GINS1: variants seen among roughly 807,000 people sequenced by gnomAD.
The protein encoded by GINS1 is GINS complex subunit 1, also known as DNA replication complex GINS protein PSF1.
A neutral mutation model predicts 34.9 loss-of-function variants in GINS1; 26 were observed. The observed-to-expected ratio is 0.74, with a 90% CI of 0.55 to 1.03. GINS1 has a LOEUF of 1.03. Ranked by LOEUF, GINS1 falls within the 50% of genes least tolerant of loss-of-function variation. The pLI is 0.00. For missense variants in GINS1, 235 were observed against 237.9 expected (o/e 0.99, Z 0.08); for synonymous variants, 97 against 84.4 (o/e 1.15, Z -0.82).
At chr20:25,412,871 A>G (rs890430137) in intron 1 of GINS1, among the ~76,000 whole-genome samples, 2 of 152,092 alleles carry the variant, frequency 1.3e-5, no homozygotes, top group East Asian at 3.8e-4. Context: ...GCTACCTCCC[A>G]CCTATAGCCT....
intron 5 of GINS1, among the ~76,000 whole-genome samples, chr20:25,434,285 C>T (rs966423247): frequency 7.3e-5 from 11 of 151,628 alleles, no homozygotes; most frequent in Admixed American, 6.6e-5. Flanking sequence ...TCCACACCTC[C>T]CCGCTGCCCA....
At chr20:25,445,514 T>C (rs1461202615) in intron 6 of GINS1, among the ~76,000 whole-genome samples, 1 of 152,134 alleles carries the variant, frequency 6.6e-6, no homozygotes, top group Non-Finnish European at 1.5e-5. Flanking sequence ...GCCTGGCTAA[T>C]TTTTTTGCAT....
intron 5 of GINS1, among the ~76,000 whole-genome samples, chr20:25,440,968 G>A (rs1190462186): frequency 6.6e-6 from 1 of 152,192 alleles, no homozygotes; most frequent in Non-Finnish European, 1.5e-5. Context: ...ATCTGGAAAA[G>A]TGGAAGACAT....
chr20:25,428,404 T>C (rs1296780562), intron 5 of GINS1, among the ~76,000 whole-genome samples: 1 of 129,088 alleles, frequency 7.7e-6, no homozygotes, highest in South Asian at 2.7e-4. Flanking sequence ...TTTCTTTTTT[T>C]TTTTTTTTTT....
At chr20:25,417,866 G>A (rs1229684580) in intron 3 of GINS1, among the ~76,000 whole-genome samples, 1 of 152,106 alleles carries the variant, frequency 6.6e-6, no homozygotes, top group Non-Finnish European at 1.5e-5. Flanking sequence ...AACAAAAAAA[G>A]GCGGGGGAAA....
At chr20:25,421,929 T>C (rs772859106) in intron 4 of GINS1, among the ~76,000 whole-genome samples, 22 of 151,938 alleles carry the variant, frequency 1.4e-4, no homozygotes, top group Non-Finnish European at 3.1e-4. Context: ...AAGATCTCTC[T>C]CAGAGAACTT....
At chr20:25,416,108 TC>T (rs1018099036) in intron 2 of GINS1, among the ~76,000 whole-genome samples, 2 of 152,120 alleles carry the variant, frequency 1.3e-5, no homozygotes, top group African/African-American at 4.8e-5. Flanking sequence ...TGTGTTTGTG[TC>T]TTAAAAGATA....
intron 5 of GINS1, among the ~76,000 whole-genome samples, chr20:25,427,452 C>T (rs534462293): frequency 3.0e-4 from 45 of 152,208 alleles, no homozygotes; most frequent in Non-Finnish European, 4.7e-4. Context: ...CCCGCCTCAG[C>T]CTCCCAAAGG....
At chr20:25,407,960 G>A in intron 1 of GINS1, 65 bp downstream of exon 1, 1 of 1,234,872 alleles carries the variant, frequency 8.1e-7, no homozygotes, top group Non-Finnish European at 1.2e-6. Context: ...GGGCGGGGCG[G>A]CTCCCCGTCA....
In GINS1 at chr20:25,446,000, C is replaced by T. The variant is rs532768398; in HGVS notation, c.*9C>T. 5.6e-5 allele frequency: 88 copies of T among 1,570,334 alleles called. No homozygotes were observed. In the East Asian group the frequency reaches 1.4e-3, roughly 25 times the overall value. ...AGCACATCCTGTCATGACCATGCGCCGAGGCACTTCCAGGCTTCACTCAAC... is the reference window on the plus strand; with the variant it reads ...AGCACATCCTGTCATGACCATGCGCTGAGGCACTTCCAGGCTTCACTCAAC... On this transcript the variant is annotated 3_prime_UTR_variant, in exon 7 of 7. Coordinates refer to ENST00000262460, the MANE Select transcript of GINS1 (RefSeq NM_021067.5).
intron 4 of GINS1, among the ~76,000 whole-genome samples, chr20:25,423,135 GAGAC>G (rs2090366908): frequency 6.7e-6 from 1 of 149,938 alleles, no homozygotes; most frequent in African/African-American, 2.5e-5. Flanking sequence ...TTTTTTTTGA[GAGAC>G]AGTTTGACTC....
chr20:25,409,296 A>C (rs1430177103), intron 1 of GINS1, among the ~76,000 whole-genome samples: 1 of 152,110 alleles, frequency 6.6e-6, no homozygotes, highest in Admixed American at 6.6e-5. Context: ...CAATATGGGG[A>C]ATGGATTGAA....
At position 25,446,131 on chromosome 20, in the gene GINS1, A is replaced by G; in HGVS notation, c.*140A>G. On this transcript the variant is annotated 3_prime_UTR_variant, in exon 7 of 7. Coordinates refer to ENST00000262460, the MANE Select transcript of GINS1 (RefSeq NM_021067.5). ...AGATAACTAAGAATACTTGGCTAAG[A>G]AGTATAATTTGCTAACTATTAAGGA... The G allele has an allele frequency of 2.0e-6, 1 of 507,712 alleles. No homozygotes were observed. The highest frequency in any genetic ancestry group is 3.5e-6 in the Non-Finnish European group (1 of 284,348). 31.5% of individuals were successfully genotyped at this position (507,712 alleles called of 1,614,324 possible). A position where few individuals can be genotyped will look rare whatever the true frequency, so the allele number is the denominator to read the frequency against.
chr20:25,407,917 A>G lies in GINS1; in HGVS notation c.75+22A>G, dbSNP rs768217177. ...CAACGTGAGGGGCGGGTAGACTTGG[A>G]CGGGGCATGCCGGCGTTGGGCCCTG... On this transcript the variant is annotated intron_variant, in intron 1 of 6. Coordinates refer to ENST00000262460, the MANE Select transcript of GINS1 (RefSeq NM_021067.5). 3.8e-6 allele frequency: 6 copies of G among 1,588,892 alleles called. No homozygotes were observed. In the East Asian group the frequency reaches 1.1e-4, roughly 30 times the overall value.
intron 4 of GINS1, 143 bp from the exon 5 acceptor site, chr20:25,425,068 G>T (rs959260889): frequency 1.9e-6 from 1 of 529,670 alleles, no homozygotes; most frequent in Non-Finnish European, 3.4e-6. Flanking sequence ...TATATCATAG[G>T]AGGCAATTAA....
In GINS1 at chr20:25,423,303, G is replaced by A. The variant is rs369716403; in HGVS notation, c.331-1908G>A. The stretch of plus-strand genomic sequence containing the variant: ...TAATTTTTGTATTATTAGTGGAGGT[G>A]GGGTTTCACCATGTTCACCAGGCTG... On this transcript the variant is annotated intron_variant, in intron 4 of 6. Transcript: ENST00000262460. Among the ~76,000 whole-genome samples the A allele has an allele frequency of 1.2e-3, 184 of 150,566 alleles. 1 individual carries two copies. The highest frequency in any genetic ancestry group is 4.3e-3 in the African/African-American group (176 of 41,000).
intron 2 of GINS1, 34 bp downstream of exon 2, chr20:25,413,888 C>G (rs182685837): frequency 1.6e-6 from 2 of 1,254,588 alleles, no homozygotes; most frequent in Non-Finnish European, 2.3e-6. Context: ...TAAAACAATT[C>G]AATAATTAAG....
intron 5 of GINS1, among the ~76,000 whole-genome samples, chr20:25,433,623 C>T (rs558002151): frequency 6.6e-6 from 1 of 152,232 alleles, no homozygotes; most frequent in South Asian, 2.1e-4. Context: ...AGATACGGAA[C>T]CTACAGAGAC....
At chr20:25,438,445 C>G (rs1222959695) in intron 5 of GINS1, among the ~76,000 whole-genome samples, 1 of 150,258 alleles carries the variant, frequency 6.7e-6, no homozygotes, top group Admixed American at 6.7e-5. Flanking sequence ...TGACTAATAA[C>G]TGCGGTGAAT....
Sources: gnomAD v4.1 joint callset for allele counts (sites outside exome capture counted in the v4.1 genomes callset) on GRCh38, gnomAD v4.1.1 for gene constraint, MANE v1.5 for transcripts, NCBI Gene and HGNC (gene_info 2026-07-23, HGNC 2026-07-21) for gene names.